Variants in A2M observed in about 807,000 individuals in gnomAD.
A2M encodes the protein C3 and PZP-like alpha-2-macroglobulin domain-containing protein 5.
A2M carries 128 observed loss-of-function variants against 183.9 expected under a neutral mutation model. The observed-to-expected ratio is 0.70, with a 90% CI of 0.60 to 0.81. The LOEUF is 0.81. Ranked by LOEUF, A2M falls within the 30% of genes least tolerant of loss-of-function variation. The probability of loss-of-function intolerance (pLI) is 0.00; values close to 1 mark genes in which losing one functional copy is unlikely to be tolerated. For missense variants in A2M, 1,495 were observed against 1,787.6 expected (o/e 0.84, Z 2.95); for synonymous variants, 592 against 670.8 (o/e 0.88, Z 1.81).
At chr12:9,097,779 C>T (rs972435360) in intron 15 of A2M, among the ~76,000 whole-genome samples, 14 of 151,994 alleles carry the variant, frequency 9.2e-5, no homozygotes, top group African/African-American at 3.4e-4. Context: ...ATGACAGGCG[C>T]CCGCCACCAC....
Position 9,076,954 on chromosome 12 carries a change from G to A in A2M, c.3352-18C>T. 1 of 1,559,228 alleles carries A rather than the reference G, an allele frequency of 6.4e-7. No individual in the cohort carries two copies. Among genetic ancestry groups the A allele is most frequent in the Non-Finnish European group, 8.7e-7 (1 of 1,152,548 alleles). ...ACAGGGTGCTGTGAAGGCAGAACAA[G>A]AAGGGAACTAAGCTATGTAAACAGG... On this transcript the variant is annotated intron_variant, in intron 27 of 35. Coordinates refer to ENST00000318602, the MANE Select transcript of A2M (RefSeq NM_000014.6).
chr12:9,094,374 T>TATATATAC (rs1491280573), intron 17 of A2M, among the ~76,000 whole-genome samples: 4 of 139,636 alleles, frequency 2.9e-5, no homozygotes, highest in African/African-American at 1.1e-4. Context: ...TATATATATA[T>TATATATAC]ACCTATACAT....
intron 10 of A2M, among the ~76,000 whole-genome samples, 191 bp from the exon 11 acceptor site, chr12:9,104,591 AT>A (rs1444330580): frequency 6.6e-5 from 10 of 152,214 alleles, no homozygotes; most frequent in Non-Finnish European, 1.3e-4. Flanking sequence ...TAGATGCTAA[AT>A]AAATATATAC....
In A2M at chr12:9,104,560, C is replaced by T. The variant is rs150828512; in HGVS notation, c.1105-160G>A. Among the ~76,000 whole-genome samples the T allele has an allele frequency of 2.4e-3, 365 of 152,168 alleles. 1 individual carries two copies. Among genetic ancestry groups the T allele is most frequent in the Non-Finnish European group, 4.2e-3 (287 of 67,984 alleles). On this transcript the variant is annotated intron_variant, in intron 10 of 35. Coordinates refer to ENST00000318602, the MANE Select transcript of A2M (RefSeq NM_000014.6). ...AAACGAAGTTTCTTCCATCACAGAGCTTACTGTCTAGTGAAAGAGATAGAT... is the reference window on the plus strand; with the variant it reads ...AAACGAAGTTTCTTCCATCACAGAGTTTACTGTCTAGTGAAAGAGATAGAT...
chr12:9,074,944 G>C (rs1311156199), intron 28 of A2M, among the ~76,000 whole-genome samples, 161 bp from the exon 29 acceptor site: 1 of 152,212 alleles, frequency 6.6e-6, no homozygotes, highest in Non-Finnish European at 1.5e-5. Context: ...AATTTGGTGT[G>C]TTTTAGCCCA....
chr12:9,103,783 T>C (rs1408462154), intron 11 of A2M, among the ~76,000 whole-genome samples: 2 of 152,210 alleles, frequency 1.3e-5, no homozygotes, highest in African/African-American at 2.4e-5. Flanking sequence ...GTTGTATTTA[T>C]ATACCACATT....
At chr12:9,097,982 C>T (rs73244234) in intron 15 of A2M, among the ~76,000 whole-genome samples, 2,437 of 152,316 alleles carry the variant, frequency 0.016, 68 homozygotes, top group African/African-American at 0.056. Context: ...TGTATAGCCT[C>T]AGTGCAGGTA....
intron 18 of A2M, among the ~76,000 whole-genome samples, chr12:9,092,562 C>T (rs1265377301): frequency 6.6e-6 from 1 of 152,168 alleles, no homozygotes; most frequent in Non-Finnish European, 1.5e-5. Flanking sequence ...AGTATATGGC[C>T]ATTCCGGCTC....
chr12:9,116,034 T>C, upstream of A2M: 3 of 643,424 alleles, frequency 4.7e-6, no homozygotes, highest in South Asian at 3.1e-5. Context: ...GGAAAGGTCA[T>C]TGATGGCCTA....
intron 15 of A2M, 69 bp from the exon 16 acceptor site, chr12:9,095,769 T>C: frequency 8.9e-7 from 1 of 1,124,890 alleles, no homozygotes. Flanking sequence ...TTTTTTTTTT[T>C]TGAGACGGAG....
In A2M at chr12:9,101,570, G is replaced by A. The variant is rs1937855675; in HGVS notation, c.1371C>T (p.Ser457=). ...GAGACATGGGCTCAAGGTGGACAAA[G>A]CTCTTGCTTGGGGAGAACACAAGAT... ...TAYLVFSPSK[S]FVHLEPMSHE... Residue 457 remains serine, a synonymous_variant, in exon 12 of 36, where the codon AGC becomes AGT. Transcript: ENST00000318602. 1.2e-6 allele frequency: 2 copies of A among 1,613,870 alleles called. No homozygotes were observed. The highest frequency in any genetic ancestry group is 1.7e-5 in the Admixed American group (1 of 60,004).
intron 10 of A2M, among the ~76,000 whole-genome samples, chr12:9,105,589 A>T (rs1201131096): frequency 6.6e-6 from 1 of 152,206 alleles, no homozygotes; most frequent in African/African-American, 2.4e-5. Context: ...AGAGTCATAA[A>T]GATCCATTTG....
intron 11 of A2M, among the ~76,000 whole-genome samples, chr12:9,102,337 C>T (rs887552642): frequency 2.6e-5 from 4 of 152,080 alleles, no homozygotes; most frequent in African/African-American, 9.7e-5. Context: ...CAGTCAGCCT[C>T]CTGAGTTGCT....
chr12:9,074,814 G>A (rs1948691343), intron 28 of A2M, 31 bp from the exon 29 acceptor site: 1 of 1,559,740 alleles, frequency 6.4e-7, no homozygotes, highest in Non-Finnish European at 8.7e-7. Context: ...ATTTATAAGT[G>A]CCTACATATT....
chr12:9,083,054 A>G (rs1388221208), intron 22 of A2M, among the ~76,000 whole-genome samples: 1 of 152,156 alleles, frequency 6.6e-6, no homozygotes, highest in East Asian at 1.9e-4. Flanking sequence ...AAGTGTTCCT[A>G]TTTCTCCACA....
intron 29 of A2M, among the ~76,000 whole-genome samples, chr12:9,073,327 A>AG (rs1186051085): frequency 2.3e-5 from 2 of 85,196 alleles, no homozygotes; most frequent in African/African-American, 5.9e-5. Context: ...CTTTGCAGCC[A>AG]TGAGCAGAGT....
At chr12:9,103,307 T>C (rs775738235) in intron 11 of A2M, among the ~76,000 whole-genome samples, 2 of 152,266 alleles carry the variant, frequency 1.3e-5, no homozygotes, top group South Asian at 2.1e-4. Flanking sequence ...GATAAGGAAA[T>C]GAAGCACAGA....
At chr12:9,084,438 A>C (rs1388209681) in intron 22 of A2M, among the ~76,000 whole-genome samples, 1 of 152,190 alleles carries the variant, frequency 6.6e-6, no homozygotes, top group Admixed American at 6.5e-5. Context: ...TCAACGACAT[A>C]AAATGTGTGT....
chr12:9,107,385 T>C (rs951514435), intron 8 of A2M, 139 bp downstream of exon 8: 1 of 1,082,828 alleles, frequency 9.2e-7, no homozygotes, highest in Admixed American at 2.7e-5. Context: ...AGTTCATGAT[T>C]TTTTTTGAAA....
Sources: allele counts gnomAD v4.1 joint callset (sites outside exome capture counted in the v4.1 genomes callset), GRCh38; gene constraint gnomAD v4.1.1; transcripts MANE v1.5; gene names NCBI Gene and HGNC (gene_info 2026-07-23, HGNC 2026-07-21).